Variants in SLC22A23 observed in about 807,000 individuals in gnomAD.
SLC22A23 encodes ion transporter protein.
Under a neutral mutation model 61.0 loss-of-function variants are expected in SLC22A23, and 26 were observed. The observed-to-expected ratio is 0.43, with a 90% CI of 0.31 to 0.59. The LOEUF (loss-of-function observed/expected upper bound fraction) is 0.59. SLC22A23 is among the 20% of genes least tolerant of loss of function. The pLI, the probability that SLC22A23 is intolerant of heterozygous loss-of-function variation, is 0.11. For missense variants in SLC22A23, 796 were observed against 934.7 expected, an observed-to-expected ratio of 0.85 and a Z score of 1.94; for synonymous variants, 430 against 413.9, an observed-to-expected ratio of 1.04 and a Z score of -0.47.
rs1158873302 is a variant in SLC22A23, at chr6:3,342,896, G to A, written c.914-18894C>T. 6.6e-6 allele frequency among the ~76,000 whole-genome samples: 1 copy of A among 152,170 alleles called. No individual in the cohort carries two copies. Among genetic ancestry groups the A allele is most frequent in the African/African-American group, 2.4e-5 (1 of 41,434 alleles). ...CTCAGAGAAGAGGTTGGAATTTGGG[G>A]CTTTATATACCATCCTAATGCAGGG... On this transcript the variant is annotated intron_variant, in intron 3 of 9. Transcript: ENST00000406686. This position sits in a 1 kb window ranked among gnomAD's most constrained non-coding sequence, Gnocchi z 4.0.
rs928649431 is a variant in SLC22A23, at chr6:3,386,607, G to A, written c.913+23581C>T. Among the ~76,000 whole-genome samples the A allele has an allele frequency of 3.9e-5, 6 of 152,236 alleles. No individual in the cohort carries two copies. The highest frequency in any genetic ancestry group is 3.9e-4 in the East Asian group (2 of 5,194). On this transcript the variant is annotated intron_variant, in intron 3 of 9. Coordinates refer to ENST00000406686, the MANE Select transcript of SLC22A23 (RefSeq NM_015482.2). This position sits in a 1 kb window ranked among gnomAD's most constrained non-coding sequence, Gnocchi z 4.4. The stretch of plus-strand genomic sequence containing the variant: ...TTGCTCCTCAGTAGCCGTGCCAAGC[G>A]TGGCTGGGGACAGCCCGAGAGCTCA...
In SLC22A23 at chr6:3,410,096, G is replaced by A. The variant is rs542758224; in HGVS notation, c.913+92C>T. On this transcript the variant is annotated intron_variant, in intron 3 of 9. Coordinates refer to ENST00000406686, the MANE Select transcript of SLC22A23 (RefSeq NM_015482.2). This position sits in a 1 kb window ranked among gnomAD's most constrained non-coding sequence, Gnocchi z 5.0. ...TTTCCACAAAACTGCCAGCCCACAC[G>A]AGCAGCATGCACAGTATCTTTCCCA... The A allele has an allele frequency of 3.1e-3, 4,434 of 1,421,780 alleles. 9 individuals carry two copies. The highest frequency in any genetic ancestry group is 3.9e-3 in the Non-Finnish European group (4,088 of 1,061,474). 88.1% of individuals were successfully genotyped at this position (1,421,780 alleles called of 1,614,324 possible). A position where few individuals can be genotyped will look rare whatever the true frequency, so the allele number is the denominator to read the frequency against.
chr6:3,426,486 AG>A (rs564431153), intron 1 of SLC22A23, among the ~76,000 whole-genome samples: 5 of 140,266 alleles, frequency 3.6e-5, no homozygotes, highest in Non-Finnish European at 8.1e-5. Flanking sequence ...TACAACAGGA[AG>A]GATTAGGAAA....
intron 3 of SLC22A23, among the ~76,000 whole-genome samples, chr6:3,359,877 G>A (rs1765328697): frequency 6.6e-6 from 1 of 152,106 alleles, no homozygotes; most frequent in Non-Finnish European, 1.5e-5. Context: ...TAAAAAGGGA[G>A]GCCATATCCA....
At chr6:3,338,388 G>C (rs1200427079) in intron 3 of SLC22A23, among the ~76,000 whole-genome samples, 3 of 152,236 alleles carry the variant, frequency 2.0e-5, no homozygotes, top group African/African-American at 7.2e-5. Flanking sequence ...GGAGTGCAGT[G>C]GTATGATCTT....
At chr6:3,275,900 CAG>C (rs1561856298) in intron 9 of SLC22A23, among the ~76,000 whole-genome samples, 1 of 152,232 alleles carries the variant, frequency 6.6e-6, no homozygotes, top group Non-Finnish European at 1.5e-5. Flanking sequence ...AAAAAGAAGA[CAG>C]ATAATCCAGT....
chr6:3,370,752 T>C (rs1215459259), intron 3 of SLC22A23, among the ~76,000 whole-genome samples: 3 of 152,246 alleles, frequency 2.0e-5, no homozygotes, highest in Non-Finnish European at 4.4e-5. Flanking sequence ...CTTCAATAAC[T>C]TGATTGATCT....
At chr6:3,335,095 A>G (rs1207078414) in intron 3 of SLC22A23, among the ~76,000 whole-genome samples, 1 of 152,218 alleles carries the variant, frequency 6.6e-6, no homozygotes, top group Admixed American at 6.5e-5. Flanking sequence ...AAATCAGAAA[A>G]TCCTTTCGTG....
intron 3 of SLC22A23, among the ~76,000 whole-genome samples, chr6:3,361,962 C>T (rs1765480778): frequency 6.6e-6 from 1 of 152,190 alleles, no homozygotes; most frequent in African/African-American, 2.4e-5. Context: ...ATGGTCATGC[C>T]AGAGTGCACA....
At position 3,356,458 on chromosome 6, in the gene SLC22A23, C is replaced by G. The variant is rs371842762; in HGVS notation, c.914-32456G>C. On this transcript the variant is annotated intron_variant, in intron 3 of 9. Coordinates refer to ENST00000406686, the MANE Select transcript of SLC22A23 (RefSeq NM_015482.2). ...AGCCTCAGAGGAGTGATTTTAGCAG[C>G]CTCTCACTTCCTCATTTGCCTGTGA... is the stretch of plus-strand genomic sequence containing the variant. Among the ~76,000 whole-genome samples the G allele has an allele frequency of 3.3e-5, 5 of 152,156 alleles. No homozygotes were observed. In the East Asian group the frequency reaches 9.7e-4, roughly 29 times the overall value.
intron 1 of SLC22A23, among the ~76,000 whole-genome samples, chr6:3,451,548 T>C (rs1169014659): frequency 6.6e-6 from 1 of 152,166 alleles, no homozygotes; most frequent in Non-Finnish European, 1.5e-5. Flanking sequence ...CTTTGTTTTT[T>C]TGTTTTGTTT....
At position 3,380,797 on chromosome 6, in the gene SLC22A23, A is replaced by G. The variant is rs74322332; in HGVS notation, c.913+29391T>C. ...TATTTCTTATTCACAATACATGCCT[A>G]TTGAGGGCTGGTGGGTCTCTGCTTG... On this transcript the variant is annotated intron_variant, in intron 3 of 9. Transcript: ENST00000406686. Among the ~76,000 whole-genome samples the G allele has an allele frequency of 7.0e-3, 1,066 of 152,236 alleles. 12 individuals are homozygous for G. The highest frequency in any genetic ancestry group is 0.024 in the African/African-American group (1,012 of 41,550).
intron 3 of SLC22A23, among the ~76,000 whole-genome samples, chr6:3,393,531 ACCTAAAC>A (rs774760040): frequency 6.6e-6 from 1 of 152,132 alleles, no homozygotes; most frequent in Non-Finnish European, 1.5e-5. Flanking sequence ...GGCAGCTCTG[ACCTAAAC>A]CCTCCTCTAA....
At chr6:3,335,455 G>A (rs1339615830) in intron 3 of SLC22A23, among the ~76,000 whole-genome samples, 2 of 152,202 alleles carry the variant, frequency 1.3e-5, no homozygotes, top group South Asian at 2.1e-4. Context: ...GCCAAGTCCT[G>A]CACAGGGAAT....
chr6:3,327,736 G>A lies in SLC22A23; in HGVS notation c.914-3734C>T, dbSNP rs1196126326. 1.3e-5 allele frequency among the ~76,000 whole-genome samples: 2 copies of A among 152,092 alleles called. No homozygotes were observed. The highest frequency in any genetic ancestry group is 2.9e-5 in the Non-Finnish European group (2 of 68,028). ...TCGTGCATTATTTTTCCAGATTTTG[G>A]AATACTTGCATATACATAACGAGAT... On this transcript the variant is annotated intron_variant, in intron 3 of 9. Coordinates refer to ENST00000406686, the MANE Select transcript of SLC22A23 (RefSeq NM_015482.2). This position sits in a 1 kb window ranked among gnomAD's most constrained non-coding sequence, Gnocchi z 4.1.
rs1581916039 is a variant in SLC22A23, at chr6:3,456,451, G to T, written c.109C>A (p.Pro37Thr). Residue 37 changes from proline (P) to threonine (T), a missense_variant, in exon 1 of 10, where the codon CCC (proline) becomes ACC (threonine). Transcript: ENST00000406686. This position sits in a 1 kb window ranked among gnomAD's most constrained non-coding sequence, Gnocchi z 7.1. ...CCGGGGCCCGCGCGTCCCCCGAGGGGCGCCGAGGCCGCCGCGTCCCCGGGC... is the reference window on the plus strand; with the variant it reads ...CCGGGGCCCGCGCGTCCCCCGAGGGTCGCCGAGGCCGCCGCGTCCCCGGGC... ...LPPGDAAASAPLGGRAGPGGG... is the reference protein window; with the variant it reads ...LPPGDAAASATLGGRAGPGGG... 1 of 1,225,176 alleles carries T rather than the reference G, an allele frequency of 8.2e-7. No homozygotes were observed. The highest frequency in any genetic ancestry group is 1.6e-5 in the African/African-American group (1 of 63,158). The allele number at this position is 1,225,176 out of a possible 1,614,324, so 75.9% of individuals were successfully genotyped here. A position where few individuals can be genotyped will look rare whatever the true frequency, so the allele number is the denominator to read the frequency against.
Position 3,269,018 on chromosome 6 carries a change from A to AAAAT in SLC22A23, c.*4033_*4036dup, listed in dbSNP as rs1386865337. The AAAAT allele has an allele frequency of 6.6e-6, 1 of 152,382 alleles. No homozygotes were observed. Among genetic ancestry groups the AAAAT allele is most frequent in the Non-Finnish European group, 1.5e-5 (1 of 68,046 alleles). The allele number at this position is 152,382 out of a possible 1,614,324, so 9.4% of individuals were successfully genotyped here. A position where few individuals can be genotyped will look rare whatever the true frequency, so the allele number is the denominator to read the frequency against. ...AAAGAAATATTGTCATTTTCGTTAAAAAATACATTAGAGAAGAGAGTTTTG... is the reference window on the plus strand; with the variant it reads ...AAAGAAATATTGTCATTTTCGTTAAAAAATAAATACATTAGAGAAGAGAGTTTTG... On this transcript the variant is annotated 3_prime_UTR_variant, in exon 10 of 10. Coordinates refer to ENST00000406686, the MANE Select transcript of SLC22A23 (RefSeq NM_015482.2).
intron 1 of SLC22A23, among the ~76,000 whole-genome samples, chr6:3,434,774 C>G (rs1450241434): frequency 6.6e-6 from 1 of 152,154 alleles, no homozygotes; most frequent in Non-Finnish European, 1.5e-5. Context: ...ACGGAATAAC[C>G]GCAATGCCTG....
intron 3 of SLC22A23, among the ~76,000 whole-genome samples, chr6:3,356,735 A>C (rs1438953554): frequency 2.0e-5 from 3 of 152,172 alleles, no homozygotes; most frequent in Admixed American, 6.5e-5. Flanking sequence ...CCTGCCCAAG[A>C]TACCAACAAC....
Sources: allele counts gnomAD v4.1 joint callset (sites outside exome capture counted in the v4.1 genomes callset), GRCh38; gene constraint gnomAD v4.1.1; non-coding constraint Gnocchi (gnomAD v3.1); transcripts MANE v1.5; gene names NCBI Gene and HGNC (gene_info 2026-07-23, HGNC 2026-07-21).